The following SEMA5A variants were observed in gnomAD, a reference collection of about 807,000 sequenced individuals.
The protein encoded by SEMA5A is semaphorin-5A.
Under a neutral mutation model 135.5 loss-of-function variants are expected in SEMA5A, and 55 were observed. That is an observed-to-expected ratio of 0.41 (90% confidence interval 0.33 to 0.51). The LOEUF is 0.51. Among genes scored for constraint, SEMA5A ranks in the 20% least tolerant of loss-of-function variants. The pLI, the probability that SEMA5A is intolerant of heterozygous loss-of-function variation, is 0.37. For missense variants in SEMA5A, 1,290 were observed against 1,419.9 expected (o/e 0.91, Z 1.47); for synonymous variants, 580 against 546.5 (o/e 1.06, Z -0.85).
chr5:9,454,691 G>T (rs1011971734), intron 1 of SEMA5A, among the ~76,000 whole-genome samples: 3 of 152,150 alleles, frequency 2.0e-5, no homozygotes, highest in Non-Finnish European at 2.9e-5. Context: ...TCACTTTATT[G>T]CTTCCTGATA....
At chr5:9,498,568 T>C (rs1213692048) in intron 1 of SEMA5A, 2 of 152,214 alleles carry the variant, frequency 1.3e-5, no homozygotes, top group East Asian at 3.9e-4. Context: ...TGAGGGACCA[T>C]CATTATGAAG....
chr5:9,534,117 A>T (rs906223188), intron 1 of SEMA5A, among the ~76,000 whole-genome samples: 6 of 152,338 alleles, frequency 3.9e-5, no homozygotes, highest in Admixed American at 3.3e-4. Context: ...AATTAAACCC[A>T]GTAGCCAACT....
chr5:9,509,130 G>T (rs1736066266), intron 1 of SEMA5A, among the ~76,000 whole-genome samples: 1 of 112,192 alleles, frequency 8.9e-6, no homozygotes, highest in African/African-American at 3.6e-5. Flanking sequence ...ACTACAAGGG[G>T]AAGGCAGGTG....
chr5:9,336,316 G>A lies in SEMA5A; in HGVS notation c.224+1397C>T, dbSNP rs113469516. On this transcript the variant is annotated intron_variant, in intron 4 of 22. Coordinates refer to ENST00000382496, the MANE Select transcript of SEMA5A (RefSeq NM_003966.3). Reference sequence around the variant, plus strand: ...GGGAATGCAGGGCAGAAGGGCTGGCGTACCACACCAGGGAGACAGCTTATA... The same window carrying A: ...GGGAATGCAGGGCAGAAGGGCTGGCATACCACACCAGGGAGACAGCTTATA... 1.1e-3 allele frequency among the ~76,000 whole-genome samples: 164 copies of A among 152,302 alleles called. 1 individual carries two copies. Among genetic ancestry groups the A allele is most frequent in the East Asian group, 8.3e-3 (43 of 5,182 alleles).
chr5:9,046,212 G>A (rs1736243802), intron 21 of SEMA5A, among the ~76,000 whole-genome samples: 1 of 152,148 alleles, frequency 6.6e-6, no homozygotes, highest in African/African-American at 2.4e-5. Context: ...CAGGGTGAGG[G>A]GCAGTGTCAC....
At chr5:9,207,241 A>C (rs1183841507) in intron 8 of SEMA5A, among the ~76,000 whole-genome samples, 1 of 151,364 alleles carries the variant, frequency 6.6e-6, no homozygotes, top group African/African-American at 2.4e-5. Flanking sequence ...GCTGGAGTGC[A>C]ATGGTGCGAT....
At chr5:9,320,623 T>C (rs1193085208) in intron 4 of SEMA5A, among the ~76,000 whole-genome samples, 1 of 151,982 alleles carries the variant, frequency 6.6e-6, no homozygotes, top group Non-Finnish European at 1.5e-5. Context: ...GAGGCTGAAG[T>C]GGGAGGATCC....
At chr5:9,155,860 T>C (rs1426561451) in intron 11 of SEMA5A, among the ~76,000 whole-genome samples, 1 of 152,238 alleles carries the variant, frequency 6.6e-6, no homozygotes, top group Non-Finnish European at 1.5e-5. Flanking sequence ...TTAGCCTGAA[T>C]TTACTTTAAA....
At chr5:9,044,672 A>T in intron 21 of SEMA5A, 88 bp from the exon 22 acceptor site, 1 of 1,138,136 alleles carries the variant, frequency 8.8e-7, no homozygotes, top group Non-Finnish European at 1.3e-6. Context: ...GAGAAAGTCA[A>T]AATGAAAAGC....
At chr5:9,237,641 T>C (rs897376565) in intron 6 of SEMA5A, 187 bp downstream of exon 6, 5 of 419,388 alleles carry the variant, frequency 1.2e-5, no homozygotes, top group Admixed American at 4.1e-5. Flanking sequence ...TGGAAATGAT[T>C]GATTGCTGGG....
chr5:9,374,219 A>T (rs1351298692), intron 3 of SEMA5A, among the ~76,000 whole-genome samples: 1 of 152,158 alleles, frequency 6.6e-6, no homozygotes, highest in East Asian at 1.9e-4. Context: ...AATGAACTCC[A>T]CTAGACAGGA....
rs6875962 is a variant in SEMA5A, at chr5:9,164,166, T to G, written c.1274-9471A>C. Among the ~76,000 whole-genome samples the G allele has an allele frequency of 7.4e-5, 3 of 40,706 alleles. No homozygotes were observed. The East Asian group carries it at 1.8e-3, about 24-fold the overall frequency. The allele number at this position is 40,706 out of a possible 152,430, so 26.7% of individuals were successfully genotyped here. A position where few individuals can be genotyped will look rare whatever the true frequency, so the allele number is the denominator to read the frequency against. On this transcript the variant is annotated intron_variant, in intron 11 of 22. Coordinates refer to ENST00000382496, the MANE Select transcript of SEMA5A (RefSeq NM_003966.3). ...TAATTATAAATATATCATATAAATA[T>G]TTATATAATTATAAATACATAGTAT...
At chr5:9,238,955 T>C (rs1322615469) in intron 5 of SEMA5A, among the ~76,000 whole-genome samples, 1 of 152,146 alleles carries the variant, frequency 6.6e-6, no homozygotes, top group Non-Finnish European at 1.5e-5. Flanking sequence ...TCAAATCATA[T>C]GAAGGAAAAT....
intron 5 of SEMA5A, among the ~76,000 whole-genome samples, chr5:9,317,702 A>C (rs1357111403): frequency 2.0e-5 from 3 of 152,188 alleles, no homozygotes; most frequent in Non-Finnish European, 4.4e-5. Context: ...AGATTCTGGC[A>C]TAGTCTGTAG....
intron 11 of SEMA5A, among the ~76,000 whole-genome samples, chr5:9,168,521 A>G (rs150456531): frequency 4.4e-4 from 67 of 152,300 alleles, no homozygotes; most frequent in African/African-American, 1.5e-3. Context: ...CATTGTTACC[A>G]TGTGGGTGAG....
intron 11 of SEMA5A, among the ~76,000 whole-genome samples, chr5:9,178,331 C>CTTTTTTTTTTTTTTTTTTTTTT (rs5865809): frequency 2.4e-5 from 3 of 123,600 alleles, no homozygotes; most frequent in African/African-American, 3.0e-5. Flanking sequence ...TTTTTCTCTC[C>CTTTTTTTTTTTTTTTTTTTTTT]TTTTTTTTTT....
chr5:9,298,368 C>T (rs1173348670), intron 5 of SEMA5A, among the ~76,000 whole-genome samples: 1 of 152,148 alleles, frequency 6.6e-6, no homozygotes, highest in Non-Finnish European at 1.5e-5. Context: ...TCCCCTAGAG[C>T]CTTAGGGAAG....
chr5:9,210,581 T>C (rs1746290636), intron 8 of SEMA5A, among the ~76,000 whole-genome samples: 1 of 152,192 alleles, frequency 6.6e-6, no homozygotes, highest in South Asian at 2.1e-4. Flanking sequence ...AGGCCATTTG[T>C]AACGCTGGTA....
intron 3 of SEMA5A, among the ~76,000 whole-genome samples, chr5:9,368,035 A>C (rs769807619): frequency 1.3e-5 from 2 of 152,082 alleles, no homozygotes; most frequent in African/African-American, 4.8e-5. Context: ...AGTCAAATAA[A>C]CCTCTTGTCT....
Sources: allele counts gnomAD v4.1 joint callset (sites outside exome capture counted in the v4.1 genomes callset), GRCh38; gene constraint gnomAD v4.1.1; transcripts MANE v1.5; gene names NCBI Gene and HGNC (gene_info 2026-07-23, HGNC 2026-07-21).